The following CHST8 variants were observed in gnomAD, a reference collection of about 807,000 sequenced individuals.
CHST8 encodes the protein carbohydrate sulfotransferase 8.
Under a neutral mutation model 15.0 loss-of-function variants are expected in CHST8, and 10 were observed. The ratio of observed to expected loss-of-function variants is 0.67; its 90% CI spans 0.41 to 1.13. The LOEUF is 1.13. CHST8 is among the 50% of genes most tolerant of loss of function. The probability of loss-of-function intolerance (pLI) is 0.00; values close to 1 mark genes in which losing one functional copy is unlikely to be tolerated. For synonymous variants in CHST8, 259 were observed against 256.6 expected (o/e 1.01, Z -0.09); for missense variants, 634 against 608.2 (o/e 1.04, Z -0.45).
In CHST8 at chr19:33,738,595, T is replaced by C. The variant is rs577648727; in HGVS notation, c.131-32818T>C. Among the ~76,000 whole-genome samples, 3 of 152,244 alleles carry C rather than the reference T, an allele frequency of 2.0e-5. No individual in the cohort carries two copies. The East Asian group carries it at 5.8e-4, about 29-fold the overall frequency. ...AGAGAGAGAGTGCAAGTTTTTTCTT[T>C]TTTTCTTCTTTTGAGATGGAGTCTT... On this transcript the variant is annotated intron_variant, in intron 3 of 4. Transcript: ENST00000650847.
intron 2 of CHST8, among the ~76,000 whole-genome samples, chr19:33,674,141 C>T (rs889361): frequency 3.3e-5 from 5 of 152,182 alleles, no homozygotes; most frequent in African/African-American, 1.2e-4. Flanking sequence ...GTTAGGGTCT[C>T]CTTGCACTGG....
intron 2 of CHST8, among the ~76,000 whole-genome samples, chr19:33,687,147 G>A (rs1457222021): frequency 2.0e-5 from 3 of 152,258 alleles, no homozygotes; most frequent in Non-Finnish European, 4.4e-5. Flanking sequence ...TGGCCCCGGT[G>A]GGGCTGGGAC....
At chr19:33,743,948 C>T (rs998690840) in intron 3 of CHST8, among the ~76,000 whole-genome samples, 19 of 152,132 alleles carry the variant, frequency 1.2e-4, no homozygotes, top group Admixed American at 5.2e-4. Flanking sequence ...CCTGCCACCA[C>T]GCCTGGCTGA....
intron 1 of CHST8, among the ~76,000 whole-genome samples, 173 bp downstream of exon 1, chr19:33,622,469 G>A (rs1426234863): frequency 1.3e-5 from 2 of 152,178 alleles, no homozygotes; most frequent in Non-Finnish European, 2.9e-5. Context: ...CGCGGGGCTC[G>A]GGTCTGGTTG....
intron 3 of CHST8, among the ~76,000 whole-genome samples, chr19:33,716,623 C>G (rs1228882646): frequency 6.6e-6 from 1 of 152,182 alleles, no homozygotes; most frequent in African/African-American, 2.4e-5. Flanking sequence ...CCGCACTGGC[C>G]TCTCAAGGTG....
chr19:33,668,661 CTTTT>C (rs990722150), intron 2 of CHST8, among the ~76,000 whole-genome samples: 1 of 151,816 alleles, frequency 6.6e-6, no homozygotes, highest in Non-Finnish European at 1.5e-5. Flanking sequence ...ATTGGAGAGG[CTTTT>C]TTTGTGGGGG....
chr19:33,638,857 G>T (rs1972240964), intron 1 of CHST8, among the ~76,000 whole-genome samples: 1 of 152,098 alleles, frequency 6.6e-6, no homozygotes, highest in Non-Finnish European at 1.5e-5. Flanking sequence ...TGGTGAGATT[G>T]CTCCCCAAGT....
At chr19:33,668,426 G>C (rs778023694) in intron 2 of CHST8, among the ~76,000 whole-genome samples, 9 of 152,120 alleles carry the variant, frequency 5.9e-5, no homozygotes, top group Non-Finnish European at 1.3e-4. Context: ...GTGTCAAATG[G>C]GAAGAGCTGT....
At chr19:33,627,730 C>CCCTGGTG (rs1359688134) in intron 1 of CHST8, among the ~76,000 whole-genome samples, 2 of 152,148 alleles carry the variant, frequency 1.3e-5, no homozygotes, top group African/African-American at 4.8e-5. Context: ...GATTCTCAGT[C>CCCTGGTG]CCACACTCCT....
intron 3 of CHST8, among the ~76,000 whole-genome samples, chr19:33,751,117 A>T (rs1974410403): frequency 6.6e-6 from 1 of 152,230 alleles, no homozygotes; most frequent in Non-Finnish European, 1.5e-5. Flanking sequence ...AAGGCAAGTC[A>T]TTAACGTGGC....
intron 2 of CHST8, chr19:33,684,701 G>T (rs1568326368): frequency 6.6e-6 from 1 of 151,722 alleles, no homozygotes. Context: ...TGCTCTCGGG[G>T]GACTGGGCTG....
chr19:33,761,299 T>A (rs557960024), intron 3 of CHST8, among the ~76,000 whole-genome samples: 1 of 152,002 alleles, frequency 6.6e-6, no homozygotes, highest in South Asian at 2.1e-4. Context: ...GGCCAGGAGT[T>A]GCTGGGCAGC....
At chr19:33,693,215 A>G (rs1973133355) in intron 3 of CHST8, among the ~76,000 whole-genome samples, 1 of 152,104 alleles carries the variant, frequency 6.6e-6, no homozygotes. Context: ...CATGTCGGTC[A>G]GGCTGATCTC....
chr19:33,653,896 GT>G (rs1972478758), intron 1 of CHST8, among the ~76,000 whole-genome samples: 1 of 152,180 alleles, frequency 6.6e-6, no homozygotes, highest in Non-Finnish European at 1.5e-5. Context: ...CACTGACACA[GT>G]TGCCCAGAAG....
In CHST8 at chr19:33,756,703, C is replaced by A. The variant is rs1193901436; in HGVS notation, c.131-14710C>A. Among the ~76,000 whole-genome samples, 3 of 152,220 alleles carry A rather than the reference C, an allele frequency of 2.0e-5. No individual in the cohort carries two copies. In the East Asian group the frequency reaches 5.8e-4, roughly 29 times the overall value. ...GCCCAACCTGCCTAAGTTCAGATGT[C>A]CCCACTCCTCACCTCCATCATAAGG... On this transcript the variant is annotated intron_variant, in intron 3 of 4. Coordinates refer to ENST00000650847, the MANE Select transcript of CHST8 (RefSeq NM_001127895.2).
At chr19:33,752,658 T>G (rs1974444707) in intron 3 of CHST8, among the ~76,000 whole-genome samples, 1 of 152,178 alleles carries the variant, frequency 6.6e-6, no homozygotes, top group African/African-American at 2.4e-5. Context: ...CTGTCAGGGC[T>G]GGCATGCAAG....
intron 3 of CHST8, among the ~76,000 whole-genome samples, chr19:33,769,769 G>A (rs554777677): frequency 2.0e-5 from 3 of 152,228 alleles, no homozygotes; most frequent in South Asian, 2.1e-4. Context: ...CAGTCTCCAG[G>A]GAAGAGTCTA....
At position 33,666,829 on chromosome 19, in the gene CHST8, C is replaced by T. The variant is rs59163655; in HGVS notation, c.-163-938C>T. Among the ~76,000 whole-genome samples the T allele has an allele frequency of 9.5e-3, 1,439 of 152,208 alleles. 17 individuals are homozygous for T. Among genetic ancestry groups the T allele is most frequent in the African/African-American group, 0.032 (1,336 of 41,526 alleles). On this transcript the variant is annotated intron_variant, in intron 1 of 4. Transcript: ENST00000650847. The stretch of plus-strand genomic sequence containing the variant: ...GCAATTCCCCTGTCTCAGCCTCCCG[C>T]GTAGCTGGGACTACAGGTGCACATC...
intron 3 of CHST8, among the ~76,000 whole-genome samples, chr19:33,693,056 G>T (rs1378372610): frequency 2.1e-4 from 32 of 150,270 alleles, no homozygotes. Context: ...GCCCAGGCTG[G>T]AGTGCAATGG....
Sources: allele counts gnomAD v4.1 joint callset (sites outside exome capture counted in the v4.1 genomes callset), GRCh38; gene constraint gnomAD v4.1.1; transcripts MANE v1.5; gene names NCBI Gene and HGNC (gene_info 2026-07-23, HGNC 2026-07-21).